The following SYCP2 variants were observed in gnomAD, a reference collection of about 807,000 sequenced individuals.
SYCP2 encodes the protein synaptonemal complex protein 2, also known as synaptonemal complex lateral element protein.
Under a neutral mutation model 211.3 loss-of-function variants are expected in SYCP2, and 55 were observed. The observed-to-expected ratio is 0.26, with a 90% CI of 0.21 to 0.33. SYCP2 has a LOEUF of 0.33. SYCP2 is among the 10% of genes least tolerant of loss of function. The probability of loss-of-function intolerance (pLI) is 1.00; values close to 1 mark genes in which losing one functional copy is unlikely to be tolerated. For missense variants in SYCP2, 1,731 were observed against 1,752.0 expected, an observed-to-expected ratio of 0.99 and a Z score of 0.21; for synonymous variants, 570 against 555.2, an observed-to-expected ratio of 1.03 and a Z score of -0.37.
chr20:59,882,080 A>G lies in SYCP2; in HGVS notation c.2600+15T>C. ...AAATATGAAGAAAATGAAAAATATTACAAAAAATACTTACACTGGGCATTC... is the reference window on the plus strand; with the variant it reads ...AAATATGAAGAAAATGAAAAATATTGCAAAAAATACTTACACTGGGCATTC... On this transcript the variant is annotated intron_variant, in intron 27 of 44. Transcript: ENST00000357552. 6.2e-7 allele frequency: 1 copy of G among 1,610,646 alleles called. No homozygotes were observed. The highest frequency in any genetic ancestry group is 8.5e-7 in the Non-Finnish European group (1 of 1,177,772).
chr20:59,900,142 A>G lies in SYCP2; in HGVS notation c.1400T>C (p.Leu467Pro). ...SDKGNRNNSQ[L>P]EKTTPSKRKM... ...GTATTTTGACACCATCTTTACCTCA[A>G]GCTGACTATTATTTCTATTCCCTTT... Residue 467 changes from leucine to proline, a missense_variant, in exon 18 of 45, where the codon CTT (leucine) becomes CCT (proline). By Grantham distance (98) the Leu-to-Pro change is moderately conservative. Around this residue, in one of 3 missense-constraint regions of SYCP2, gnomAD observed 1,387 missense variants for 1,351.3 expected, o/e 1.03. Transcript: ENST00000357552. 6.2e-7 allele frequency: 1 copy of G among 1,613,126 alleles called. No individual in the cohort carries two copies. The highest frequency in any genetic ancestry group is 8.5e-7 in the Non-Finnish European group (1 of 1,179,422).
At chr20:59,886,059 T>C (rs2059781880) in intron 25 of SYCP2, 95 bp from the exon 26 acceptor site, 3 of 957,020 alleles carry the variant, frequency 3.1e-6, no homozygotes, top group Non-Finnish European at 4.7e-6. Context: ...ACTAAATTTA[T>C]ATTCAATGTT....
rs149199999 is a variant in SYCP2, at chr20:59,877,788, T to C, written c.2979+220A>G. 3.9e-5 allele frequency among the ~76,000 whole-genome samples: 6 copies of C among 152,142 alleles called. No homozygotes were observed. In the East Asian group the frequency reaches 1.2e-3, roughly 29 times the overall value. ...AGAAGCCTGATATATACTATCTAAC[T>C]GAAGTAAAAGATTTTAAAAATACCT... On this transcript the variant is annotated intron_variant, in intron 32 of 44. Transcript: ENST00000357552.
chr20:59,925,220 C>A (rs2060612440), intron 2 of SYCP2, among the ~76,000 whole-genome samples: 1 of 151,956 alleles, frequency 6.6e-6, no homozygotes, highest in Non-Finnish European at 1.5e-5. Context: ...CCTGGTGGGG[C>A]AGCAGGAGGG....
rs780036034 is a variant in SYCP2, at chr20:59,868,464, G to A, written c.3937C>T (p.Leu1313Phe). The A allele has an allele frequency of 1.9e-6, 3 of 1,611,302 alleles. No individual in the cohort carries two copies. The highest frequency in any genetic ancestry group is 2.5e-6 in the Non-Finnish European group (3 of 1,178,424). The change falls in exon 38 of 45, where the codon CTT (leucine) becomes TTT (phenylalanine). Residue 1313 changes from leucine to phenylalanine, a missense_variant. Coordinates refer to ENST00000357552, the MANE Select transcript of SYCP2 (RefSeq NM_014258.4). ...EEKGERRANL[L>F]PKKLCKIEDA... ...TCAATTTTACACAGTTTTTTGGGAA[G>A]CAAGTTTGCTCTCCTTTCTCCTTTC...
chr20:59,870,509 A>G (rs1442778706), intron 35 of SYCP2, among the ~76,000 whole-genome samples: 1 of 151,850 alleles, frequency 6.6e-6, no homozygotes, highest in Non-Finnish European at 1.5e-5. Flanking sequence ...AAGATGCATA[A>G]TTTCCTTTGT....
At chr20:59,882,251 A>T in intron 26 of SYCP2, 86 bp from the exon 27 acceptor site, 1 of 959,626 alleles carries the variant, frequency 1.0e-6, no homozygotes, top group Admixed American at 2.3e-5. Context: ...AATGCAAATC[A>T]AAAAATGAGA....
At chr20:59,873,334 C>G (rs6123955) in intron 35 of SYCP2, among the ~76,000 whole-genome samples, 1 of 152,172 alleles carries the variant, frequency 6.6e-6, no homozygotes, top group South Asian at 2.1e-4. Context: ...AACACAAGCA[C>G]TGCAATACCT....
intron 41 of SYCP2, 56 bp from the exon 42 acceptor site, chr20:59,865,921 A>G: frequency 1.3e-6 from 1 of 767,586 alleles, no homozygotes; most frequent in Non-Finnish European, 2.0e-6. Context: ...CTAAAATAAA[A>G]TCCAGTTAAA....
chr20:59,919,691 G>T, intron 5 of SYCP2, 94 bp from the exon 6 acceptor site: 1 of 645,616 alleles, frequency 1.5e-6, no homozygotes, highest in South Asian at 2.8e-5. Flanking sequence ...TAGGAATAAA[G>T]ACACATCAAA....
chr20:59,916,847 A>C (rs1242611597), intron 7 of SYCP2, among the ~76,000 whole-genome samples: 3 of 152,136 alleles, frequency 2.0e-5, no homozygotes, highest in Non-Finnish European at 2.9e-5. Context: ...TGAGCCCAGG[A>C]GGTCAAAGCT....
rs2059799556 is a variant in SYCP2, at chr20:59,886,899, GA to G, written c.2365-66del. The G allele has an allele frequency of 6.1e-6, 8 of 1,307,096 alleles. No homozygotes were observed. The South Asian group carries it at 7.0e-5, about 11-fold the overall frequency. The allele number at this position is 1,307,096 out of a possible 1,614,324, so 81.0% of individuals were successfully genotyped here. ...AATCTTTAAAGGAAAAATAAAGGCT[GA>G]AAAAAACTTTTAAGATAAATCTGGT... On this transcript the variant is annotated intron_variant, in intron 24 of 44. Transcript: ENST00000357552.
At chr20:59,873,196 A>G (rs183272030) in intron 35 of SYCP2, among the ~76,000 whole-genome samples, 82 of 152,198 alleles carry the variant, frequency 5.4e-4, no homozygotes, top group African/African-American at 1.9e-3. Context: ...TTGGTTCCTT[A>G]TTAAGCACAG....
intron 31 of SYCP2, 91 bp from the exon 32 acceptor site, chr20:59,878,136 AAAT>A (rs1226994826): frequency 4.4e-6 from 4 of 918,012 alleles, no homozygotes; most frequent in East Asian, 2.7e-5. Context: ...ATTTAAATTA[AAAT>A]AATAAAAAGT....
At chr20:59,906,978 A>C (rs2060225929) in intron 15 of SYCP2, among the ~76,000 whole-genome samples, 1 of 152,202 alleles carries the variant, frequency 6.6e-6, no homozygotes, top group African/African-American at 2.4e-5. Context: ...ATGATAAAAT[A>C]TGTCTTAATA....
intron 20 of SYCP2, 29 bp downstream of exon 20, chr20:59,895,408 T>C (rs768572447): frequency 6.4e-7 from 1 of 1,560,390 alleles, no homozygotes; most frequent in South Asian, 1.2e-5. Context: ...TGAAAAAATA[T>C]TTTTAAAATA....
intron 35 of SYCP2, among the ~76,000 whole-genome samples, chr20:59,871,824 A>G (rs1188915203): frequency 6.6e-6 from 1 of 151,898 alleles, no homozygotes; most frequent in Non-Finnish European, 1.5e-5. Context: ...TGGTGACAAG[A>G]AAAAAAAGTC....
chr20:59,886,245 A>G (rs1460876865), intron 25 of SYCP2, among the ~76,000 whole-genome samples: 1 of 152,092 alleles, frequency 6.6e-6, no homozygotes, highest in Admixed American at 6.6e-5. Flanking sequence ...TAAGGCCAGA[A>G]TTAACGTAAA....
At chr20:59,921,258 T>C in intron 4 of SYCP2, 52 bp downstream of exon 4, 1 of 1,499,930 alleles carries the variant, frequency 6.7e-7, no homozygotes, top group East Asian at 2.4e-5. Flanking sequence ...CTTCTAAAAC[T>C]AGAGTTCTAT....
Sources: allele counts gnomAD v4.1 joint callset (sites outside exome capture counted in the v4.1 genomes callset), GRCh38; gene constraint gnomAD v4.1.1; regional missense constraint gnomAD v4.1.1; transcripts MANE v1.5; gene names NCBI Gene and HGNC (gene_info 2026-07-23, HGNC 2026-07-21).